Variants in KIAA0319 observed in about 807,000 individuals in gnomAD.
KIAA0319 encodes dyslexia-associated protein KIAA0319.
KIAA0319 carries 83 observed loss-of-function variants against 108.4 expected under a neutral mutation model. The ratio of observed to expected loss-of-function variants is 0.77; its 90% confidence interval spans 0.64 to 0.92. The LOEUF is 0.92. KIAA0319 is among the 40% of genes least tolerant of loss of function. The pLI, the probability that KIAA0319 is intolerant of heterozygous loss-of-function variation, is 0.00. For missense variants in KIAA0319, 1,195 were observed against 1,322.4 expected (o/e 0.90, Z 1.49); for synonymous variants, 484 against 510.4 (o/e 0.95, Z 0.70).
At chr6:24,600,575 G>C in intron 2 of KIAA0319, 1 of 1,007,708 alleles carries the variant, frequency 9.9e-7, no homozygotes, top group Non-Finnish European at 1.5e-6. Flanking sequence ...GTACATAACA[G>C]TTTTTCTAGT....
rs183201223 is a variant in KIAA0319, at chr6:24,628,639, G to C, written c.-106+17097C>G. ...CGGAAAACAACAGAAATGTTTTGTAGTCTCCCACAGTTCTGGAAGCTGGAA... is the reference window on the plus strand; with the variant it reads ...CGGAAAACAACAGAAATGTTTTGTACTCTCCCACAGTTCTGGAAGCTGGAA... On this transcript the variant is annotated intron_variant, in intron 1 of 20. Transcript: ENST00000378214. 9.2e-5 allele frequency among the ~76,000 whole-genome samples: 14 copies of C among 152,168 alleles called. No individual in the cohort carries two copies. The East Asian group carries it at 9.6e-4, about 10-fold the overall frequency.
intron 11 of KIAA0319, among the ~76,000 whole-genome samples, chr6:24,572,219 A>G (rs1581994383): frequency 6.6e-6 from 1 of 152,332 alleles, no homozygotes; most frequent in Admixed American, 6.5e-5. Context: ...ATGAACAGTG[A>G]CACTGAACTG....
At position 24,596,362 on chromosome 6, in the gene KIAA0319, G is replaced by A; in HGVS notation, c.312C>T (p.Leu104=). Residue 104 remains leucine (L), a synonymous_variant, in exon 3 of 21, where the codon CTC becomes CTT. Transcript: ENST00000378214. ...GCTGTGCAGGCCTCTGAACAGGCCG[G>A]AGCACAAAAGTGAGATAAGACCTGA... is the stretch of plus-strand genomic sequence containing the variant. ...GPIRSYLTFV[L]RPVQRPAQLL... is the part of the protein sequence containing the mutation. 3 of 1,614,224 alleles carry A rather than the reference G, an allele frequency of 1.9e-6. No individual in the cohort carries two copies. The highest frequency in any genetic ancestry group is 2.5e-6 in the Non-Finnish European group (3 of 1,180,034).
intron 18 of KIAA0319, among the ~76,000 whole-genome samples, chr6:24,556,263 C>T (rs1762276340): frequency 6.7e-6 from 1 of 148,946 alleles, no homozygotes; most frequent in Admixed American, 6.7e-5. Context: ...TCACTGCAGA[C>T]TCAACTTCCT....
intron 20 of KIAA0319, among the ~76,000 whole-genome samples, chr6:24,548,484 A>G (rs921407664): frequency 2.6e-5 from 4 of 152,170 alleles, no homozygotes; most frequent in Non-Finnish European, 4.4e-5. Flanking sequence ...CTTAGGGAGA[A>G]TCAGCTGGGA....
rs1295016358 is a variant in KIAA0319 at position 24,616,399 on chromosome 6, C to T, written c.-105-15191G>A. Among the ~76,000 whole-genome samples the T allele has an allele frequency of 3.9e-5, 6 of 152,150 alleles. 1 individual carries two copies. Among genetic ancestry groups the T allele is most frequent in the Admixed American group, 3.3e-4 (5 of 15,278 alleles). ...TTTGAGACGGAGTCTCGCTCTGTTG[C>T]CAGGCTGGAGTGCAGTGGCGCCATC... is the stretch of plus-strand genomic sequence containing the variant. On this transcript the variant is annotated intron_variant, in intron 1 of 20. Transcript: ENST00000378214.
At chr6:24,610,975 A>G (rs1022052387) in intron 1 of KIAA0319, among the ~76,000 whole-genome samples, 20 of 152,176 alleles carry the variant, frequency 1.3e-4, no homozygotes, top group Non-Finnish European at 2.4e-4. Context: ...AAACAAACAA[A>G]CAAACAAAAA....
chr6:24,552,248 C>T (rs1164159315), intron 19 of KIAA0319, among the ~76,000 whole-genome samples: 2 of 152,234 alleles, frequency 1.3e-5, no homozygotes, highest in Non-Finnish European at 2.9e-5. Context: ...TTTGTGCCTC[C>T]ATGTCCTCAC....
chr6:24,644,610 GA>G (rs35123690), intron 1 of KIAA0319, among the ~76,000 whole-genome samples: 104 of 148,214 alleles, frequency 7.0e-4, no homozygotes, highest in African/African-American at 2.1e-3. Context: ...ATTGGCTAGG[GA>G]AAAAAAAAAA....
chr6:24,558,914 A>G, intron 17 of KIAA0319, 99 bp downstream of exon 17: 2 of 1,192,152 alleles, frequency 1.7e-6, no homozygotes, highest in Non-Finnish European at 2.3e-6. Context: ...CCTGGATGCT[A>G]AAGTGAAAAT....
intron 18 of KIAA0319, among the ~76,000 whole-genome samples, chr6:24,555,005 C>T (rs1437240148): frequency 1.3e-5 from 2 of 152,194 alleles, no homozygotes; most frequent in African/African-American, 4.8e-5. Flanking sequence ...ACCCCTACCC[C>T]TGAAAGTTCT....
chr6:24,601,004 A>C (rs1770539724), intron 2 of KIAA0319, 45 bp downstream of exon 2: 1 of 1,612,716 alleles, frequency 6.2e-7, no homozygotes, highest in Non-Finnish European at 8.5e-7. Flanking sequence ...ACTAGTCAAG[A>C]AACTCAAGTC....
chr6:24,582,307 G>A lies in KIAA0319; in HGVS notation c.1133C>T (p.Pro378Leu). The A allele has an allele frequency of 6.2e-7, 1 of 1,611,770 alleles. No homozygotes were observed. Among genetic ancestry groups the A allele is most frequent in the Non-Finnish European group, 8.5e-7 (1 of 1,178,156 alleles). The change falls in exon 6 of 21, where the codon CCC (proline) becomes CTC (leucine). Residue 378 changes from proline to leucine, a missense_variant. Transcript: ENST00000378214. ...YNYEWNLISHPTDYQGEIKQG... is the reference protein window; with the variant it reads ...YNYEWNLISHLTDYQGEIKQG... ...TTTTATTTCACCTTGGTAGTCTGTGGGGTGGCTTATTAAATTCCATTCATA... is the reference window on the plus strand; with the variant it reads ...TTTTATTTCACCTTGGTAGTCTGTGAGGTGGCTTATTAAATTCCATTCATA...
At chr6:24,619,685 G>A (rs1018210693) in intron 1 of KIAA0319, among the ~76,000 whole-genome samples, 13 of 152,092 alleles carry the variant, frequency 8.5e-5, no homozygotes, top group African/African-American at 2.9e-4. Flanking sequence ...AACTTGAGTA[G>A]AAAGAGTGAA....
At chr6:24,624,494 G>C (rs985905077) in intron 1 of KIAA0319, among the ~76,000 whole-genome samples, 1 of 152,042 alleles carries the variant, frequency 6.6e-6, no homozygotes, top group Non-Finnish European at 1.5e-5. Context: ...ATCCAAGAAA[G>C]AATGATGAAA....
chr6:24,577,796 G>A (rs1031805484), intron 9 of KIAA0319, among the ~76,000 whole-genome samples: 4 of 152,094 alleles, frequency 2.6e-5, no homozygotes, highest in East Asian at 3.8e-4. Flanking sequence ...TTTTGGGCCC[G>A]TTAGGAAATT....
chr6:24,641,114 C>T (rs1451734839), intron 1 of KIAA0319, among the ~76,000 whole-genome samples: 5 of 152,164 alleles, frequency 3.3e-5, no homozygotes, highest in Non-Finnish European at 5.9e-5. Context: ...CTTGTTTCTA[C>T]GAATTTGACT....
intron 5 of KIAA0319, 123 bp from the exon 6 acceptor site, chr6:24,582,469 GCTTT>G (rs72257500): frequency 4.6e-3 from 1,752 of 384,542 alleles, no homozygotes; most frequent in East Asian, 0.022. Context: ...ACTCAACTCA[GCTTT>G]CTTTTTTTTT....
At chr6:24,583,009 TAAGGAACTA>T in intron 5 of KIAA0319, 1 of 915,410 alleles carries the variant, frequency 1.1e-6, no homozygotes, top group Non-Finnish European at 1.3e-6. Flanking sequence ...AAAAATGAAT[TAAGGAACTA>T]ACCTGAATGA....
Sources: gnomAD v4.1 joint callset for allele counts (sites outside exome capture counted in the v4.1 genomes callset) on GRCh38, gnomAD v4.1.1 for gene constraint, MANE v1.5 for transcripts, NCBI Gene and HGNC (gene_info 2026-07-23, HGNC 2026-07-21) for gene names.